CFAP70: variants seen among roughly 807,000 people sequenced by gnomAD.
The protein encoded by CFAP70 is cilia and flagella associated protein 70.
CFAP70 carries 81 observed loss-of-function variants against 137.6 expected under a neutral mutation model. The ratio of observed to expected loss-of-function variants is 0.59; its 90% CI spans 0.49 to 0.71. CFAP70 has a LOEUF of 0.71. Among genes scored for constraint, CFAP70 ranks in the 30% least tolerant of loss-of-function variants. CFAP70 has a pLI of 0.00. For missense variants in CFAP70, 976 were observed against 1,226.7 expected (o/e 0.80, Z 3.05); for synonymous variants, 382 against 423.6 (o/e 0.90, Z 1.20).
At chr10:73,269,943 A>G (rs944861095) in intron 24 of CFAP70, among the ~76,000 whole-genome samples, 20 of 152,152 alleles carry the variant, frequency 1.3e-4, no homozygotes, top group Admixed American at 1.2e-3. Context: ...CCTGCCTAGT[A>G]AGCTCTTAAC....
At chr10:73,300,665 C>T (rs1010618265) in intron 12 of CFAP70, among the ~76,000 whole-genome samples, 6 of 152,032 alleles carry the variant, frequency 3.9e-5, no homozygotes, top group Non-Finnish European at 7.4e-5. Context: ...GAGTTCGAGA[C>T]CAGCCTGAGA....
At chr10:73,322,023 ATCT>A in intron 9 of CFAP70, among the ~76,000 whole-genome samples, 2 of 152,198 alleles carry the variant, frequency 1.3e-5, no homozygotes, top group African/African-American at 4.8e-5. Flanking sequence ...GCCTCAGGCA[ATCT>A]GCCTGCCTCT....
At chr10:73,279,787 G>A (rs1325131289) in intron 19 of CFAP70, among the ~76,000 whole-genome samples, 1 of 151,944 alleles carries the variant, frequency 6.6e-6, no homozygotes, top group Non-Finnish European at 1.5e-5. Flanking sequence ...GAGCCTTGGA[G>A]GTAGAAGTTG....
rs1329705234 is a variant in CFAP70 at position 73,348,308 on chromosome 10, T to C, written c.349+115A>G. ...GGATGACTGCAGGCAGAGATAAATG[T>C]GCCTACTTTTCCCCTCAAATCCCTC... On this transcript the variant is annotated intron_variant, in intron 4 of 26. Transcript: ENST00000310715. 3 of 1,559,760 alleles carry C rather than the reference T, an allele frequency of 1.9e-6. No homozygotes were observed. The South Asian group carries it at 3.3e-5, about 17-fold the overall frequency.
chr10:73,339,619 C>T (rs918604360), intron 6 of CFAP70, among the ~76,000 whole-genome samples: 8 of 152,180 alleles, frequency 5.3e-5, no homozygotes, highest in East Asian at 1.9e-4. Flanking sequence ...TGTGAGTAAG[C>T]GATCATGGGG....
At chr10:73,350,695 A>T (rs1286342779) in intron 3 of CFAP70, among the ~76,000 whole-genome samples, 1 of 151,796 alleles carries the variant, frequency 6.6e-6, no homozygotes, top group Non-Finnish European at 1.5e-5. Flanking sequence ...TAATTCCATG[A>T]TTTCTTATGG....
chr10:73,276,669 C>G (rs1475079226), intron 21 of CFAP70: 3 of 152,170 alleles, frequency 2.0e-5, no homozygotes, highest in Non-Finnish European at 4.4e-5. Context: ...CTTGATCTCT[C>G]CTACTGCTTG....
chr10:73,325,308 G>C (rs1015333096), intron 8 of CFAP70, among the ~76,000 whole-genome samples: 5 of 152,176 alleles, frequency 3.3e-5, no homozygotes, highest in Admixed American at 1.3e-4. Context: ...TCACCACCAG[G>C]CCTGCCCTAA....
chr10:73,277,348 A>C, exon 21 of CFAP70: 1 of 1,613,626 alleles, frequency 6.2e-7, no homozygotes, highest in Non-Finnish European at 8.5e-7. Flanking sequence ...ATGAATCTTG[A>C]CATTTTGATG....
intron 12 of CFAP70, among the ~76,000 whole-genome samples, chr10:73,307,114 G>C (rs1288435166): frequency 6.6e-6 from 1 of 152,114 alleles, no homozygotes; most frequent in Non-Finnish European, 1.5e-5. Flanking sequence ...AGAGTGTATA[G>C]TACTGAAATT....
exon 18 of CFAP70, chr10:73,291,648 G>T (rs752873304): frequency 1.5e-5 from 24 of 1,612,836 alleles, no homozygotes; most frequent in Non-Finnish European, 2.0e-5. Flanking sequence ...ACCAAGTAAA[G>T]TCCAGGCTAC....
chr10:73,316,356 A>G (rs184724232), intron 9 of CFAP70, among the ~76,000 whole-genome samples: 1 of 150,314 alleles, frequency 6.7e-6, no homozygotes, highest in Non-Finnish European at 1.5e-5. Flanking sequence ...TTTATTTTCC[A>G]TGCTATTTGT....
chr10:73,253,937 C>CA (rs2044201369), exon 27 of CFAP70: 4 of 1,524,198 alleles, frequency 2.6e-6, no homozygotes, highest in Non-Finnish European at 9.0e-7. Context: ...GAAAGGAACT[C>CA]AGAGTCCCAT....
intron 3 of CFAP70, among the ~76,000 whole-genome samples, chr10:73,351,109 A>ATATATG (rs1554929843): frequency 1.3e-4 from 12 of 92,854 alleles, no homozygotes; most frequent in South Asian, 3.8e-4. Context: ...ATATATATAT[A>ATATATG]TATGTATGTT....
intron 9 of CFAP70, among the ~76,000 whole-genome samples, chr10:73,313,811 C>A (rs1298971054): frequency 6.6e-6 from 1 of 152,090 alleles, no homozygotes; most frequent in Non-Finnish European, 1.5e-5. Context: ...CACTGCACAG[C>A]AGCCTGGGCA....
At chr10:73,256,405 T>C (rs768747051) in exon 26 of CFAP70, 19 of 1,613,974 alleles carry the variant, frequency 1.2e-5, no homozygotes, top group Non-Finnish European at 1.6e-5. Flanking sequence ...CAGCTTCTAA[T>C]TGCCGTCCAA....
chr10:73,345,323 A>C, intron 4 of CFAP70, 79 bp from the exon 6 acceptor site: 60 of 1,244,196 alleles, frequency 4.8e-5, no homozygotes, highest in Non-Finnish European at 6.1e-5. Context: ...TTTGAATCTC[A>C]TATTACTGTT....
chr10:73,312,106 C>T (rs564154731), intron 10 of CFAP70, among the ~76,000 whole-genome samples, 192 bp from the exon 12 acceptor site: 31 of 152,184 alleles, frequency 2.0e-4, no homozygotes, highest in African/African-American at 7.5e-4. Flanking sequence ...AACAGAAAAC[C>T]AAATACCGCA....
chr10:73,319,271 C>G (rs1053749548), intron 9 of CFAP70, among the ~76,000 whole-genome samples: 3 of 152,120 alleles, frequency 2.0e-5, no homozygotes, highest in Non-Finnish European at 2.9e-5. Flanking sequence ...AATGGATCAG[C>G]CTCCAGCTAA....
Sources: allele counts gnomAD v4.1 joint callset (sites outside exome capture counted in the v4.1 genomes callset), GRCh38; gene constraint gnomAD v4.1.1; transcripts MANE v1.5; gene names NCBI Gene and HGNC (gene_info 2026-07-23, HGNC 2026-07-21).